The following RGS3 variants were observed in gnomAD, a reference collection of about 807,000 sequenced individuals.
RGS3 encodes regulator of G-protein signalling 3.
In RGS3, 80 loss-of-function variants were observed where a neutral mutation model predicts 132.6. The observed-to-expected ratio is 0.60, with a 90% confidence interval of 0.50 to 0.73. The LOEUF (loss-of-function observed/expected upper bound fraction) is 0.73. Ranked by LOEUF, RGS3 falls within the 30% of genes least tolerant of loss-of-function variation. The pLI, the probability that RGS3 is intolerant of heterozygous loss-of-function variation, is 0.00. For synonymous variants in RGS3, 598 were observed against 620.6 expected, an observed-to-expected ratio of 0.96 and a Z score of 0.54; for missense variants, 1,382 against 1,530.8, an observed-to-expected ratio of 0.90 and a Z score of 1.62.
intron 19 of RGS3, among the ~76,000 whole-genome samples, chr9:113,553,434 C>A (rs1833421457): frequency 1.1e-4 from 2 of 17,970 alleles, no homozygotes; most frequent in South Asian, 4.3e-3. Context: ...CAGAGGGAAA[C>A]TCTGTTTAAA....
intron 24 of RGS3, 84 bp from the exon 23 acceptor site, chr9:113,596,684 C>A: frequency 8.2e-7 from 1 of 1,219,482 alleles, no homozygotes. Context: ...AGGTGAGAGG[C>A]TGGATGGGTC....
intron 7 of RGS3, among the ~76,000 whole-genome samples, chr9:113,490,901 T>G (rs1278796739): frequency 2.3e-5 from 3 of 131,414 alleles, no homozygotes; most frequent in Non-Finnish European, 4.6e-5. Flanking sequence ...AACCTAATTA[T>G]AATTATATAT....
chr9:113,496,825 A>G (rs1188430147), intron 8 of RGS3, among the ~76,000 whole-genome samples: 2 of 152,104 alleles, frequency 1.3e-5, no homozygotes, highest in Non-Finnish European at 2.9e-5. Flanking sequence ...TGCTGGGATT[A>G]CAGGTGTGAG....
intron 14 of RGS3, among the ~76,000 whole-genome samples, chr9:113,512,256 C>T (rs964465518): frequency 3.9e-5 from 6 of 152,180 alleles, no homozygotes; most frequent in African/African-American, 1.4e-4. Context: ...GTGCTTTAAA[C>T]AAAGGGTCCA....
At chr9:113,474,184 T>C (rs754735165) in intron 3 of RGS3, among the ~76,000 whole-genome samples, 47 of 152,190 alleles carry the variant, frequency 3.1e-4, no homozygotes, top group Admixed American at 9.2e-4. Context: ...AAAAAGAGCT[T>C]GGGAAACTAC....
chr9:113,557,553 G>C (rs1262606689), intron 19 of RGS3, among the ~76,000 whole-genome samples: 1 of 152,220 alleles, frequency 6.6e-6, no homozygotes, highest in Non-Finnish European at 1.5e-5. Flanking sequence ...ATGAGAGAGG[G>C]AAGGCTAGTT....
In RGS3 at chr9:113,482,904, G is replaced by T; in HGVS notation, c.467-155G>T. ...GGTGGTTATGCAGATTAAGGGCCTA[G>T]TAGCAGGGGCCATAGCCCTGCTACT... On this transcript the variant is annotated intron_variant, in intron 4 of 24. Transcript: ENST00000350696. The T allele has an allele frequency of 2.0e-6, 3 of 1,492,978 alleles. No homozygotes were observed. In the South Asian group the frequency reaches 4.1e-5, roughly 20 times the overall value. 92.5% of individuals were successfully genotyped at this position (1,492,978 alleles called of 1,614,324 possible).
intron 19 of RGS3, among the ~76,000 whole-genome samples, chr9:113,560,489 C>T (rs1225532145): frequency 6.6e-6 from 1 of 152,210 alleles, no homozygotes; most frequent in East Asian, 1.9e-4. Context: ...CATGGCAGCC[C>T]CCGTTTGCAG....
At position 113,463,724 on chromosome 9, in the gene RGS3, C is replaced by T. The variant is rs560668651; in HGVS notation, c.415+1523C>T. On this transcript the variant is annotated intron_variant, in intron 3 of 24. Transcript: ENST00000350696. This position sits in a 1 kb window ranked among gnomAD's most constrained non-coding sequence, Gnocchi z 4.6. The stretch of plus-strand genomic sequence containing the variant: ...TACCTCCCGCTCGCGCTCCTCCCGC[C>T]CTGGAGACTCCGGTTACTGGGGAGC... 2.0e-6 allele frequency: 3 copies of T among 1,503,890 alleles called. No homozygotes were observed. In the African/African-American group the frequency reaches 4.2e-5, roughly 21 times the overall value. The allele number at this position is 1,503,890 out of a possible 1,614,324, so 93.2% of individuals were successfully genotyped here. A position where few individuals can be genotyped will look rare whatever the true frequency, so the allele number is the denominator to read the frequency against.
intron 19 of RGS3, among the ~76,000 whole-genome samples, chr9:113,553,453 AAAAAAAAT>A (rs1389381756): frequency 4.5e-4 from 47 of 104,542 alleles, no homozygotes; most frequent in African/African-American, 1.8e-3. Flanking sequence ...AAAAAAAAAA[AAAAAAAAT>A]ATATATATAT....
chr9:113,497,384 G>T, exon 9 of RGS3: 1 of 1,613,460 alleles, frequency 6.2e-7, no homozygotes. Context: ...GTGGCCAGGC[G>T]GCGACTGCGG....
At chr9:113,562,579 A>G (rs1187748206) in intron 19 of RGS3, among the ~76,000 whole-genome samples, 1 of 152,060 alleles carries the variant, frequency 6.6e-6, no homozygotes, top group Admixed American at 6.6e-5. Context: ...CAGTGCTGTC[A>G]TGTGTCAGAT....
At chr9:113,481,881 C>T (rs1262810796) in intron 4 of RGS3, among the ~76,000 whole-genome samples, 1 of 151,990 alleles carries the variant, frequency 6.6e-6, no homozygotes. Flanking sequence ...ACCTTCTCTC[C>T]ACGAAAAATA....
At chr9:113,519,848 C>T (rs973191073) in intron 16 of RGS3, among the ~76,000 whole-genome samples, 3 of 152,136 alleles carry the variant, frequency 2.0e-5, no homozygotes, top group African/African-American at 7.2e-5. Context: ...CGTGAACTAC[C>T]CTCATCACAG....
intron 3 of RGS3, among the ~76,000 whole-genome samples, chr9:113,469,232 G>A (rs1198184932): frequency 6.6e-6 from 1 of 152,032 alleles, no homozygotes; most frequent in African/African-American, 2.4e-5. Flanking sequence ...GCACGGTCAG[G>A]CCCTGAACTG....
chr9:113,539,793 A>G (rs1008773798), intron 19 of RGS3, among the ~76,000 whole-genome samples: 5 of 152,202 alleles, frequency 3.3e-5, no homozygotes, highest in African/African-American at 1.2e-4. Context: ...CAAATTCACA[A>G]AACGTAATAA....
intron 1 of RGS3, among the ~76,000 whole-genome samples, chr9:113,451,426 T>G (rs1027129477): frequency 1.3e-5 from 2 of 152,214 alleles, no homozygotes; most frequent in African/African-American, 4.8e-5. Flanking sequence ...ACCATCACAG[T>G]ACATGGATCC....
intron 19 of RGS3, among the ~76,000 whole-genome samples, chr9:113,569,578 TTTCCTTCCTTCCTTCCTTCCTTCCTTCC>T (rs1226691424): frequency 6.7e-5 from 6 of 88,912 alleles, no homozygotes; most frequent in Admixed American, 3.4e-4. Context: ...TCTTTCCTTC[TTTCCTTCCTTCCTTCCTTCCTTCCTTCC>T]TTCCTTCCTT....
At chr9:113,510,533 G>A (rs975254125) in intron 14 of RGS3, among the ~76,000 whole-genome samples, 39 of 152,194 alleles carry the variant, frequency 2.6e-4, no homozygotes, top group Admixed American at 7.8e-4. Flanking sequence ...TCGTGGAGGA[G>A]GGGGGCTGGA....
Sources: allele counts gnomAD v4.1 joint callset (sites outside exome capture counted in the v4.1 genomes callset), GRCh38; gene constraint gnomAD v4.1.1; non-coding constraint Gnocchi (gnomAD v3.1); transcripts MANE v1.5; gene names NCBI Gene and HGNC (gene_info 2026-07-23, HGNC 2026-07-21).